KCNQ1: variants seen among roughly 807,000 people sequenced by gnomAD.
The protein encoded by KCNQ1 is potassium voltage-gated channel subfamily Q member 1, also known as potassium voltage-gated channel subfamily KQT member 1.
In KCNQ1, 49 loss-of-function variants were observed where a neutral mutation model predicts 72.4. The ratio of observed to expected loss-of-function variants is 0.68; its 90% CI spans 0.54 to 0.86. The LOEUF (loss-of-function observed/expected upper bound fraction) is 0.86. Among genes scored for constraint, KCNQ1 ranks in the 40% least tolerant of loss-of-function variants. The probability of loss-of-function intolerance (pLI) is 0.00; values close to 1 mark genes in which losing one functional copy is unlikely to be tolerated. For synonymous variants in KCNQ1, 450 were observed against 412.6 expected, an observed-to-expected ratio of 1.09 and a Z score of -1.10; for missense variants, 790 against 945.1, an observed-to-expected ratio of 0.84 and a Z score of 2.15.
At chr11:2,753,280 A>T (rs1846254246) in intron 11 of KCNQ1, among the ~76,000 whole-genome samples, 2 of 151,782 alleles carry the variant, frequency 1.3e-5, no homozygotes, top group Admixed American at 1.3e-4. Context: ...ACTCAGGGGG[A>T]TGGGTTGGAA....
intron 11 of KCNQ1, among the ~76,000 whole-genome samples, chr11:2,714,165 A>T (rs1041704838): frequency 6.6e-6 from 1 of 152,222 alleles, no homozygotes; most frequent in African/African-American, 2.4e-5. Context: ...CCCAGGCTGG[A>T]GAGGTCCTGC....
chr11:2,623,071 T>C lies in KCNQ1; in HGVS notation c.1393+34217T>C. The C allele has an allele frequency of 2.5e-6, 1 of 398,690 alleles. No homozygotes were observed. Among genetic ancestry groups the C allele is most frequent in the Non-Finnish European group, 4.4e-6 (1 of 226,106 alleles). 24.7% of individuals were successfully genotyped at this position (398,690 alleles called of 1,614,324 possible). On this transcript the variant is annotated intron_variant, in intron 10 of 15. Coordinates refer to ENST00000155840, the MANE Select transcript of KCNQ1 (RefSeq NM_000218.3). The surrounding 1 kb of genome is among the most constrained non-coding windows in gnomAD (Gnocchi z 5.2). The stretch of plus-strand genomic sequence containing the variant: ...GCAAACTTCCCCCTTGCTGTTCTCA[T>C]GATAGTGAGTTCTCATGAGATCTGG...
chr11:2,518,251 C>T (rs1345045806), intron 1 of KCNQ1, among the ~76,000 whole-genome samples: 1 of 152,226 alleles, frequency 6.6e-6, no homozygotes, highest in African/African-American at 2.4e-5. Flanking sequence ...CAAGCCAGAG[C>T]CGGAGGCCTC....
In KCNQ1 at chr11:2,647,710, G is replaced by A. The variant is rs919604659; in HGVS notation, c.1394-14251G>A. On this transcript the variant is annotated intron_variant, in intron 10 of 15. Coordinates refer to ENST00000155840, the MANE Select transcript of KCNQ1 (RefSeq NM_000218.3). The surrounding 1 kb of genome is among the most constrained non-coding windows in gnomAD (Gnocchi z 4.0). ...TCTGTTCAGATTTTTTTTCTTCCTG[G>A]TTCAATCTTGGGAGGTTATATATGT... 2.5e-6 allele frequency: 1 copy of A among 398,032 alleles called. No individual in the cohort carries two copies. The highest frequency in any genetic ancestry group is 4.4e-6 in the Non-Finnish European group (1 of 225,966). The allele number at this position is 398,032 out of a possible 1,614,324, so 24.7% of individuals were successfully genotyped here.
rs558202358 is a variant in KCNQ1, at chr11:2,828,272, C to T, written c.1795-19495C>T. 7.2e-5 allele frequency among the ~76,000 whole-genome samples: 11 copies of T among 152,126 alleles called. No homozygotes were observed. In the South Asian group the frequency reaches 1.0e-3, roughly 14 times the overall value. On this transcript the variant is annotated intron_variant, in intron 15 of 15. Transcript: ENST00000155840. The surrounding 1 kb of genome is among the most constrained non-coding windows in gnomAD (Gnocchi z 5.3). ...GGGGGCTGCTGGAAGGTTTGGTGACCGGAGCAGCAGGTGCCAGAGCTGAAA... is the reference window on the plus strand; with the variant it reads ...GGGGGCTGCTGGAAGGTTTGGTGACTGGAGCAGCAGGTGCCAGAGCTGAAA...
rs1448493106 is a variant in KCNQ1 at position 2,747,000 on chromosome 11, C to T, written c.1515-21844C>T. 1.8e-4 allele frequency among the ~76,000 whole-genome samples: 28 copies of T among 152,222 alleles called. No individual in the cohort carries two copies. Among genetic ancestry groups the T allele is most frequent in the Admixed American group, 1.8e-3 (28 of 15,288 alleles). On this transcript the variant is annotated intron_variant, in intron 11 of 15. Coordinates refer to ENST00000155840, the MANE Select transcript of KCNQ1 (RefSeq NM_000218.3). The surrounding 1 kb of genome is among the most constrained non-coding windows in gnomAD (Gnocchi z 5.9). ...CAGCCTGGGTAATGGGCCACCGCCC[C>T]AGGCAGGCGTGGGAATCCACACATG...
intron 1 of KCNQ1, among the ~76,000 whole-genome samples, chr11:2,467,131 G>A (rs553347762): frequency 1.4e-3 from 218 of 152,042 alleles, no homozygotes; most frequent in African/African-American, 5.0e-3. Context: ...GGCAGGGTTG[G>A]TCAGCAGGTC....
chr11:2,836,526 C>T (rs1848068432), intron 15 of KCNQ1, among the ~76,000 whole-genome samples: 1 of 152,230 alleles, frequency 6.6e-6, no homozygotes, highest in South Asian at 2.1e-4. Context: ...AACACCAGCA[C>T]ATGTAGGCAG....
chr11:2,552,917 A>G (rs1848005068), intron 2 of KCNQ1, among the ~76,000 whole-genome samples: 1 of 152,230 alleles, frequency 6.6e-6, no homozygotes, highest in Non-Finnish European at 1.5e-5. Flanking sequence ...ATTTTTCAAC[A>G]CCACTCATCA....
In KCNQ1 at chr11:2,769,281, G is replaced by A. The variant is rs889428744; in HGVS notation, c.1590+362G>A. Among the ~76,000 whole-genome samples the A allele has an allele frequency of 6.6e-6, 1 of 152,188 alleles. No individual in the cohort carries two copies. Among genetic ancestry groups the A allele is most frequent in the African/African-American group, 2.4e-5 (1 of 41,440 alleles). On this transcript the variant is annotated intron_variant, in intron 12 of 15. Coordinates refer to ENST00000155840, the MANE Select transcript of KCNQ1 (RefSeq NM_000218.3). The surrounding 1 kb of genome is among the most constrained non-coding windows in gnomAD (Gnocchi z 4.6). The stretch of plus-strand genomic sequence containing the variant: ...GACATCAGAATGACTCAGAGATGGT[G>A]CGGAGCCTGCCCTGAGTCACCAAGC...
intron 2 of KCNQ1, among the ~76,000 whole-genome samples, chr11:2,546,684 AT>A (rs1460062111): frequency 6.7e-6 from 1 of 149,736 alleles, no homozygotes; most frequent in African/African-American, 2.5e-5. Flanking sequence ...TTTATTTTTC[AT>A]TTTTGTGGAT....
rs867991132 is a variant in KCNQ1 at position 2,632,179 on chromosome 11, C to T, written c.1394-29782C>T. The T allele has an allele frequency of 2.4e-5, 8 of 337,880 alleles. No individual in the cohort carries two copies. In the South Asian group the frequency reaches 1.4e-3, roughly 59 times the overall value. 20.9% of individuals were successfully genotyped at this position (337,880 alleles called of 1,614,324 possible). On this transcript the variant is annotated intron_variant, in intron 10 of 15. Transcript: ENST00000155840. Reference sequence around the variant, plus strand: ...GCCTGGGCGACAGACCAAGACTCTGCCTCAAAAAAAAAAAAAAAAAAAAAG... The same window carrying T: ...GCCTGGGCGACAGACCAAGACTCTGTCTCAAAAAAAAAAAAAAAAAAAAAG...
chr11:2,510,093 G>A (rs1847173577), intron 1 of KCNQ1, among the ~76,000 whole-genome samples: 1 of 150,958 alleles, frequency 6.6e-6, no homozygotes, highest in Non-Finnish European at 1.5e-5. Flanking sequence ...AACATAGCAA[G>A]ACCCCATCTC....
In KCNQ1 at chr11:2,827,410, T is replaced by A. The variant is rs531560705; in HGVS notation, c.1795-20357T>A. On this transcript the variant is annotated intron_variant, in intron 15 of 15. Transcript: ENST00000155840. This position sits in a 1 kb window ranked among gnomAD's most constrained non-coding sequence, Gnocchi z 6.7. ...CCAGCGGCTGCTCCTGCATTCACCA[T>A]CACATCTGCATTCCAGCAGCAGGAG... is the stretch of plus-strand genomic sequence containing the variant. Among the ~76,000 whole-genome samples, 2 of 152,130 alleles carry A rather than the reference T, an allele frequency of 1.3e-5. No individual in the cohort carries two copies. Among genetic ancestry groups the A allele is most frequent in the South Asian group, 4.2e-4 (2 of 4,818 alleles).
chr11:2,691,183 G>A lies in KCNQ1; in HGVS notation c.1514+29102G>A, dbSNP rs1850582032. 1 of 398,556 alleles carries A rather than the reference G, an allele frequency of 2.5e-6. No individual in the cohort carries two copies. The highest frequency in any genetic ancestry group is 2.1e-5 in the African/African-American group (1 of 48,618). 24.7% of individuals were successfully genotyped at this position (398,556 alleles called of 1,614,324 possible). ...CTCACAGCCTTGGGAGGGGTGCTCAGAGCTCAGCTGTGTTTAAAAATTAGC... is the reference window on the plus strand; with the variant it reads ...CTCACAGCCTTGGGAGGGGTGCTCAAAGCTCAGCTGTGTTTAAAAATTAGC... On this transcript the variant is annotated intron_variant, in intron 11 of 15. Coordinates refer to ENST00000155840, the MANE Select transcript of KCNQ1 (RefSeq NM_000218.3). The surrounding 1 kb of genome is among the most constrained non-coding windows in gnomAD (Gnocchi z 6.4).
chr11:2,591,043 C>G (rs977659859), intron 10 of KCNQ1, among the ~76,000 whole-genome samples: 2 of 152,268 alleles, frequency 1.3e-5, no homozygotes, highest in African/African-American at 2.4e-5. Flanking sequence ...ATCCATCTCT[C>G]CCTCTCGGAC....
At chr11:2,831,141 C>T (rs946353168) in intron 15 of KCNQ1, among the ~76,000 whole-genome samples, 22 of 152,192 alleles carry the variant, frequency 1.4e-4, no homozygotes, top group East Asian at 1.9e-4. Context: ...AAGCCAAAGG[C>T]GGCGATCAAT....
In KCNQ1 at chr11:2,653,561, G is replaced by A. The variant is rs556369240; in HGVS notation, c.1394-8400G>A. On this transcript the variant is annotated intron_variant, in intron 10 of 15. Transcript: ENST00000155840. The surrounding 1 kb of genome is among the most constrained non-coding windows in gnomAD (Gnocchi z 5.3). ...TCTTGCACTCCCCTTCTCCCTTCCC[G>A]TTCCCTCTTTTGTTCTCCCTTTCCC... 54 of 398,672 alleles carry A rather than the reference G, an allele frequency of 1.4e-4. No individual in the cohort carries two copies. Among genetic ancestry groups the A allele is most frequent in the East Asian group, 9.3e-4 (26 of 28,068 alleles). The allele number at this position is 398,672 out of a possible 1,614,324, so 24.7% of individuals were successfully genotyped here. A position where few individuals can be genotyped will look rare whatever the true frequency, so the allele number is the denominator to read the frequency against.
At chr11:2,791,618 C>A (rs923019167) in intron 15 of KCNQ1, among the ~76,000 whole-genome samples, 4 of 151,970 alleles carry the variant, frequency 2.6e-5, no homozygotes, top group East Asian at 1.9e-4. Flanking sequence ...GGCGAACCGG[C>A]GGCACAGGCC....
Sources: gnomAD v4.1 joint callset for allele counts (sites outside exome capture counted in the v4.1 genomes callset) on GRCh38, gnomAD v4.1.1 for gene constraint, Gnocchi (gnomAD v3.1) non-coding constraint, MANE v1.5 for transcripts, NCBI Gene and HGNC (gene_info 2026-07-23, HGNC 2026-07-21) for gene names.